RIC1: variants seen among roughly 807,000 people sequenced by gnomAD.
RIC1 encodes RIC1 partner of RAB6A GEF complex, also known as guanine nucleotide exchange factor subunit RIC1.
In RIC1, 88 loss-of-function variants were observed where a neutral mutation model predicts 169.0. That is an observed-to-expected ratio of 0.52 (90% CI 0.44 to 0.62). The LOEUF (loss-of-function observed/expected upper bound fraction) is 0.62, where lower values mean the gene tolerates loss of function less well. RIC1 is among the 20% of genes least tolerant of loss of function. RIC1 has a pLI of 0.00. For missense variants in RIC1, 1,877 were observed against 1,725.5 expected, an observed-to-expected ratio of 1.09 and a Z score of -1.56; for synonymous variants, 790 against 601.5, an observed-to-expected ratio of 1.31 and a Z score of -4.59.
intron 21 of RIC1, among the ~76,000 whole-genome samples, chr9:5,766,550 T>C (rs1826771624): frequency 6.6e-6 from 1 of 152,136 alleles, no homozygotes; most frequent in African/African-American, 2.4e-5. Context: ...TCTTATGCCT[T>C]TGCGTCCTCA....
intron 4 of RIC1, among the ~76,000 whole-genome samples, chr9:5,715,729 T>G (rs1004950402): frequency 5.9e-5 from 9 of 152,274 alleles, no homozygotes; most frequent in East Asian, 1.9e-4. Flanking sequence ...ACTTTTGTTA[T>G]TAATTGAGGA....
At chr9:5,718,285 T>A (rs1823390107) in intron 4 of RIC1, among the ~76,000 whole-genome samples, 1 of 152,152 alleles carries the variant, frequency 6.6e-6, no homozygotes, top group Admixed American at 6.6e-5. Context: ...TGGCTTGTCT[T>A]TACAGCTAGT....
intron 4 of RIC1, among the ~76,000 whole-genome samples, chr9:5,718,168 T>TAAAAAAA (rs1554672888): frequency 1.2e-5 from 1 of 81,290 alleles, no homozygotes. Context: ...AAAAAAAAAG[T>TAAAAAAA]TCAGTTCTTG....
At chr9:5,761,300 G>T (rs560885541) in intron 17 of RIC1, among the ~76,000 whole-genome samples, 1 of 151,806 alleles carries the variant, frequency 6.6e-6, no homozygotes, top group South Asian at 2.1e-4. Context: ...TTTTAGTAGA[G>T]ACGGGGTTTC....
chr9:5,747,554 T>C, intron 12 of RIC1, 49 bp downstream of exon 12: 2 of 1,456,584 alleles, frequency 1.4e-6, no homozygotes, highest in Non-Finnish European at 1.9e-6. Context: ...TGATAGGATA[T>C]CACCTGGAAC....
chr9:5,703,889 A>G (rs1018777215), intron 3 of RIC1, among the ~76,000 whole-genome samples: 4 of 152,246 alleles, frequency 2.6e-5, no homozygotes, highest in South Asian at 2.1e-4. Flanking sequence ...CCTGTTTTCA[A>G]TTATTTTTGG....
chr9:5,679,906 C>T (rs544276432), intron 2 of RIC1, among the ~76,000 whole-genome samples: 1 of 152,182 alleles, frequency 6.6e-6, no homozygotes, highest in Non-Finnish European at 1.5e-5. Context: ...AGAGGGCATC[C>T]CTGTCTTGTG....
Position 5,747,381 on chromosome 9 carries a change from C to T in RIC1, c.1328C>T (p.Pro443Leu), listed in dbSNP as rs143886234. The change falls in exon 12 of 26, where the codon CCC (proline) becomes CTC (leucine). Residue 443 changes from proline to leucine, a missense_variant. This residue lies in a region of RIC1 where 1,104 missense variants were observed against 992.0 expected (regional missense o/e 1.11). Coordinates refer to ENST00000414202, the MANE Select transcript of RIC1 (RefSeq NM_020829.4). ...GGAGAGGCTTCACAAACCCAGAATCCCAGGAGTTCTTCAACACACTCTGAG... is the reference window on the plus strand; with the variant it reads ...GGAGAGGCTTCACAAACCCAGAATCTCAGGAGTTCTTCAACACACTCTGAG... ...NCGEASQTQN[P>L]RSSSTHSEHK... is the part of the protein sequence containing the mutation. 1.9e-6 allele frequency: 3 copies of T among 1,614,002 alleles called. No individual in the cohort carries two copies. Among genetic ancestry groups the T allele is most frequent in the Admixed American group, 1.7e-5 (1 of 60,008 alleles).
intron 3 of RIC1, among the ~76,000 whole-genome samples, chr9:5,696,972 C>G (rs988858343): frequency 1.3e-5 from 2 of 152,190 alleles, no homozygotes; most frequent in South Asian, 4.1e-4. Context: ...TGTCCTAGGT[C>G]TTTAAGAAGG....
At chr9:5,664,845 A>G (rs1188114764) in intron 2 of RIC1, among the ~76,000 whole-genome samples, 2 of 152,028 alleles carry the variant, frequency 1.3e-5, no homozygotes, top group African/African-American at 2.4e-5. Flanking sequence ...CGCTTATCTT[A>G]TTTCAGCAAG....
rs555467581 is a variant in RIC1, at chr9:5,707,450, A to G, written c.333-6446A>G. 2.4e-4 allele frequency among the ~76,000 whole-genome samples: 36 copies of G among 152,138 alleles called. No homozygotes were observed. The East Asian group carries it at 5.4e-3, about 23-fold the overall frequency. On this transcript the variant is annotated intron_variant, in intron 3 of 25. Coordinates refer to ENST00000414202, the MANE Select transcript of RIC1 (RefSeq NM_020829.4). ...CCTTATTTTCTGTCCAGTTCTATCC[A>G]TTATTGAAAGTGGGGTATTGAAGTC...
At chr9:5,707,384 G>C (rs913889753) in intron 3 of RIC1, among the ~76,000 whole-genome samples, 4 of 151,980 alleles carry the variant, frequency 2.6e-5, no homozygotes, top group South Asian at 2.1e-4. Context: ...ATGTGTCTTA[G>C]GTCTAAGTGG....
At chr9:5,711,682 C>G (rs147479057) in intron 3 of RIC1, among the ~76,000 whole-genome samples, 2,991 of 152,084 alleles carry the variant, frequency 0.02, 148 homozygotes, top group East Asian at 0.15. Context: ...CCCATTAACT[C>G]GTCATTTACA....
At chr9:5,666,010 AC>A (rs1406059454) in intron 2 of RIC1, among the ~76,000 whole-genome samples, 3 of 152,128 alleles carry the variant, frequency 2.0e-5, no homozygotes, top group African/African-American at 7.2e-5. Flanking sequence ...GCTCTCCAGG[AC>A]CCACAGGCTG....
At chr9:5,723,164 G>T (rs1587023863) in intron 6 of RIC1, among the ~76,000 whole-genome samples, 1 of 152,206 alleles carries the variant, frequency 6.6e-6, no homozygotes, top group African/African-American at 2.4e-5. Context: ...CTAGTTTACA[G>T]TCCCACCAAC....
At chr9:5,722,498 A>G (rs963771176) in intron 6 of RIC1, among the ~76,000 whole-genome samples, 1 of 152,018 alleles carries the variant, frequency 6.6e-6, no homozygotes, top group Non-Finnish European at 1.5e-5. Flanking sequence ...CTTTAATACT[A>G]GAAAGAACTT....
intron 8 of RIC1, 125 bp from the exon 9 acceptor site, chr9:5,742,744 T>A (rs937471687): frequency 2.1e-5 from 17 of 826,786 alleles, no homozygotes; most frequent in Non-Finnish European, 3.2e-5. Flanking sequence ...GATTTATTTT[T>A]GGAAGCAGTC....
In RIC1 at chr9:5,763,398, G is replaced by A; in HGVS notation, c.2371G>A (p.Ala791Thr). The A allele has an allele frequency of 6.2e-7, 1 of 1,614,144 alleles. No individual in the cohort carries two copies. Among genetic ancestry groups the A allele is most frequent in the Non-Finnish European group, 8.5e-7 (1 of 1,180,020 alleles). The change falls in exon 19 of 26, where the codon GCT becomes ACT. Residue 791 changes from alanine to threonine, a missense_variant. Ala to Thr is a moderately conservative substitution (Grantham distance 58). Coordinates refer to ENST00000414202, the MANE Select transcript of RIC1 (RefSeq NM_020829.4). The surrounding 1 kb of genome is among the most constrained non-coding windows in gnomAD (Gnocchi z 5.2). ...VLFEDALVLG[A>T]VNDTLLYDSL... ...GTTTGAAGATGCTTTAGTCCTTGGT[G>A]CTGTCAATGACACTTTGCTCTATGA...
At chr9:5,757,802 AT>A (rs1053369836) in intron 17 of RIC1, among the ~76,000 whole-genome samples, 6 of 152,172 alleles carry the variant, frequency 3.9e-5, no homozygotes, top group Non-Finnish European at 5.9e-5. Flanking sequence ...GAGGGGATGG[AT>A]TTTCAGGTGG....
Sources: gnomAD v4.1 joint callset for allele counts (sites outside exome capture counted in the v4.1 genomes callset) on GRCh38, gnomAD v4.1.1 for gene constraint, gnomAD v4.1.1 regional missense constraint, Gnocchi (gnomAD v3.1) non-coding constraint, MANE v1.5 for transcripts, NCBI Gene and HGNC (gene_info 2026-07-23, HGNC 2026-07-21) for gene names.